Variants in PARD3B observed in about 807,000 individuals in gnomAD.
PARD3B encodes the protein par-3 family cell polarity regulator beta, also known as partitioning defective 3 homolog B.
In PARD3B, 103 loss-of-function variants were observed where a neutral mutation model predicts 130.2. The ratio of observed to expected loss-of-function variants is 0.79; its 90% CI spans 0.67 to 0.93. The LOEUF is 0.93. Ranked by LOEUF, PARD3B falls within the 40% of genes least tolerant of loss-of-function variation. PARD3B has a pLI of 0.00. For synonymous variants in PARD3B, 583 were observed against 553.2 expected (o/e 1.05, Z -0.76); for missense variants, 1,609 against 1,499.2 (o/e 1.07, Z -1.21).
At chr2:205,479,895 A>ATTTTTTT (rs71032475) in intron 20 of PARD3B, among the ~76,000 whole-genome samples, 8 of 127,876 alleles carry the variant, frequency 6.3e-5, no homozygotes, top group South Asian at 2.8e-4. Context: ...GCCATATGCA[A>ATTTTTTT]TTTTTTTTTT....
chr2:204,565,218 C>G (rs1344477626), intron 1 of PARD3B, among the ~76,000 whole-genome samples: 2 of 152,208 alleles, frequency 1.3e-5, no homozygotes, highest in African/African-American at 4.8e-5. Flanking sequence ...CTTAACCCAA[C>G]TGCTTACTTT....
intron 21 of PARD3B, among the ~76,000 whole-genome samples, chr2:205,510,844 C>G (rs1039906379): frequency 2.0e-5 from 3 of 152,216 alleles, no homozygotes; most frequent in Non-Finnish European, 4.4e-5. Context: ...TCAGTGCTGA[C>G]TCTGCCTTAT....
intron 2 of PARD3B, among the ~76,000 whole-genome samples, chr2:204,902,600 C>A (rs552147401): frequency 3.7e-5 from 5 of 135,312 alleles, no homozygotes; most frequent in African/African-American, 8.4e-5. Context: ...ACCCGGGAGG[C>A]GGAGCTTGCA....
intron 1 of PARD3B, among the ~76,000 whole-genome samples, chr2:204,601,072 T>C (rs188063232): frequency 6.6e-6 from 1 of 151,972 alleles, no homozygotes; most frequent in East Asian, 1.9e-4. Context: ...AAGACCTGTA[T>C]TTTAAAATAA....
At chr2:205,524,427 A>G (rs1334599810) in intron 21 of PARD3B, among the ~76,000 whole-genome samples, 1 of 152,014 alleles carries the variant, frequency 6.6e-6, no homozygotes, top group Non-Finnish European at 1.5e-5. Context: ...CAAAACCCTC[A>G]ACAATACTTG....
chr2:204,937,092 G>C (rs962672968), intron 2 of PARD3B, among the ~76,000 whole-genome samples: 6 of 152,068 alleles, frequency 3.9e-5, no homozygotes, highest in African/African-American at 1.4e-4. Flanking sequence ...AGAGCTCTTT[G>C]GGGGGTCCCA....
intron 2 of PARD3B, among the ~76,000 whole-genome samples, chr2:204,776,782 A>G (rs1418299720): frequency 2.0e-5 from 3 of 152,040 alleles, no homozygotes; most frequent in East Asian, 3.9e-4. Flanking sequence ...AAGAAAAATG[A>G]TGCCTCTTCT....
chr2:205,172,679 A>G (rs1257715447), intron 12 of PARD3B, among the ~76,000 whole-genome samples: 8 of 152,202 alleles, frequency 5.3e-5, no homozygotes, highest in African/African-American at 1.4e-4. Context: ...TTGATATGCT[A>G]GCAGTGTCCA....
In PARD3B at chr2:205,105,203, T is replaced by C. The variant is rs565059343; in HGVS notation, c.593+689T>C. 3.3e-5 allele frequency among the ~76,000 whole-genome samples: 5 copies of C among 152,210 alleles called. No homozygotes were observed. The highest frequency in any genetic ancestry group is 7.3e-5 in the Non-Finnish European group (5 of 68,042). On this transcript the variant is annotated intron_variant, in intron 5 of 22. Transcript: ENST00000406610. This position sits in a 1 kb window ranked among gnomAD's most constrained non-coding sequence, Gnocchi z 4.0. ...TAGAATGGAAATAGTATTAAAATCTTATTCAGAGGGTTAGTATGGGTATTA... is the reference window on the plus strand; with the variant it reads ...TAGAATGGAAATAGTATTAAAATCTCATTCAGAGGGTTAGTATGGGTATTA...
chr2:205,466,599 T>C (rs2048630724), intron 20 of PARD3B, among the ~76,000 whole-genome samples: 1 of 152,076 alleles, frequency 6.6e-6, no homozygotes, highest in Non-Finnish European at 1.5e-5. Context: ...TTTCCCAGTG[T>C]ACCCCATTCA....
chr2:204,859,319 A>G (rs2045089287), intron 2 of PARD3B, among the ~76,000 whole-genome samples: 1 of 152,214 alleles, frequency 6.6e-6, no homozygotes, highest in Non-Finnish European at 1.5e-5. Context: ...TGCACATATT[A>G]GGAGTATAAA....
intron 18 of PARD3B, among the ~76,000 whole-genome samples, chr2:205,334,718 T>G (rs2043248649): frequency 6.6e-6 from 1 of 152,218 alleles, no homozygotes; most frequent in South Asian, 2.1e-4. Flanking sequence ...GAGTTTTAGT[T>G]GTCCTGTGGA....
chr2:205,144,534 T>C (rs1389231375), intron 10 of PARD3B, among the ~76,000 whole-genome samples: 2 of 152,224 alleles, frequency 1.3e-5, no homozygotes, highest in East Asian at 3.8e-4. Flanking sequence ...TTTAATGGAT[T>C]TGTCATCTTC....
At chr2:204,888,156 A>G (rs1237569318) in intron 2 of PARD3B, among the ~76,000 whole-genome samples, 1 of 151,966 alleles carries the variant, frequency 6.6e-6, no homozygotes, top group Non-Finnish European at 1.5e-5. Flanking sequence ...GTATTGAAAA[A>G]CCTATGCTTT....
intron 4 of PARD3B, chr2:205,103,543 G>T (rs1702978380): frequency 5.4e-6 from 1 of 183,802 alleles, no homozygotes; most frequent in South Asian, 1.8e-4. Context: ...CATAAATGCT[G>T]TTTATAAGTG....
intron 1 of PARD3B, among the ~76,000 whole-genome samples, chr2:204,585,578 A>C (rs1382044196): frequency 6.6e-6 from 1 of 151,208 alleles, no homozygotes; most frequent in Non-Finnish European, 1.5e-5. Context: ...TCCTGGCCTC[A>C]AGTGATTTTC....
rs141059742 is a variant in PARD3B at position 205,275,618 on chromosome 2, C to T, written c.2186-24912C>T. 1.3e-3 allele frequency among the ~76,000 whole-genome samples: 200 copies of T among 152,064 alleles called. 2 individuals are homozygous for T. The highest frequency in any genetic ancestry group is 8.5e-4 in the Admixed American group (13 of 15,262). On this transcript the variant is annotated intron_variant, in intron 16 of 22. Coordinates refer to ENST00000406610, the MANE Select transcript of PARD3B (RefSeq NM_001302769.2). ...TGAGAGATCAAGGCAGGTGGATCAG[C>T]TGACGTCAGAAGTTCGAGACCAGCC...
rs77152591 is a variant in PARD3B, at chr2:204,830,455, G to A, written c.223-134697G>A. On this transcript the variant is annotated intron_variant, in intron 2 of 22. Coordinates refer to ENST00000406610, the MANE Select transcript of PARD3B (RefSeq NM_001302769.2). ...AGATACCTTCAGGAATTCATTTGAT[G>A]TGATCTTACAATTGTAGGAGAGGAG... is the stretch of plus-strand genomic sequence containing the variant. Among the ~76,000 whole-genome samples the A allele has an allele frequency of 2.3e-4, 35 of 152,312 alleles. 1 individual carries two copies. In the East Asian group the frequency reaches 6.4e-3, roughly 28 times the overall value.
intron 2 of PARD3B, among the ~76,000 whole-genome samples, chr2:204,850,890 G>C (rs1172261473): frequency 6.6e-6 from 1 of 152,118 alleles, no homozygotes; most frequent in East Asian, 1.9e-4. Flanking sequence ...TGACTGTCTG[G>C]CAAATTACAC....
Sources: allele counts gnomAD v4.1 joint callset (sites outside exome capture counted in the v4.1 genomes callset), GRCh38; gene constraint gnomAD v4.1.1; non-coding constraint Gnocchi (gnomAD v3.1); transcripts MANE v1.5; gene names NCBI Gene and HGNC (gene_info 2026-07-23, HGNC 2026-07-21).